The following ASPG variants were observed in gnomAD, a reference collection of about 807,000 sequenced individuals.
The protein encoded by ASPG is asparaginase, also known as 60 kDa lysophospholipase.
ASPG carries 53 observed loss-of-function variants against 63.2 expected under a neutral mutation model. The ratio of observed to expected loss-of-function variants is 0.84; its 90% confidence interval spans 0.67 to 1.05. ASPG has a LOEUF of 1.05. ASPG is among the 50% of genes least tolerant of loss of function. The pLI is 0.00. For synonymous variants in ASPG, 370 were observed against 355.0 expected, an observed-to-expected ratio of 1.04 and a Z score of -0.48; for missense variants, 741 against 794.4, an observed-to-expected ratio of 0.93 and a Z score of 0.81.
At chr14:104,103,233 C>T (rs2036959081) in intron 6 of ASPG, among the ~76,000 whole-genome samples, 1 of 152,206 alleles carries the variant, frequency 6.6e-6, no homozygotes, top group Non-Finnish European at 1.5e-5. Context: ...CTGCAGGACC[C>T]TCCTGCCCCT....
chr14:104,092,681 T>C lies in ASPG; in HGVS notation c.131T>C (p.Met44Thr). 3 of 1,538,016 alleles carry C rather than the reference T, an allele frequency of 2.0e-6. No homozygotes were observed. Among genetic ancestry groups the C allele is most frequent in the East Asian group, 2.4e-5 (1 of 40,996 alleles). The change falls in exon 2 of 16, where the codon ATG becomes ACG. Residue 44 changes from methionine to threonine, a missense_variant. Transcript: ENST00000551177. The stretch of plus-strand genomic sequence containing the variant: ...GCTGCCATCCTGAGGACACTGCCCA[T>C]GTTCCATGACGAGGAGCACGCCCGA... ...GLAAILRTLP[M>T]FHDEEHARAR...
chr14:104,095,758 C>T (rs2036570794), intron 4 of ASPG, 102 bp downstream of exon 4: 4 of 1,462,100 alleles, frequency 2.7e-6, no homozygotes, highest in East Asian at 2.3e-5. Context: ...GCTTCCTGCT[C>T]AGCCCAGCAG....
chr14:104,095,519 C>T lies in ASPG; in HGVS notation c.304-12C>T, dbSNP rs547003708. 2 of 1,612,498 alleles carry T rather than the reference C, an allele frequency of 1.2e-6. No individual in the cohort carries two copies. The highest frequency in any genetic ancestry group is 2.2e-5 in the East Asian group (1 of 44,878). On this transcript the variant is annotated splice_polypyrimidine_tract_variant and intron_variant, in intron 3 of 15. Coordinates refer to ENST00000551177, the MANE Select transcript of ASPG (RefSeq NM_001080464.3). ...AGGGGCTGGCCTGCCTGAGCATGCG[C>T]CCCTCCTGCAGAGGCACTACGAGCA...
intron 7 of ASPG, 38 bp from the exon 8 acceptor site, chr14:104,104,266 G>A (rs2037014707): frequency 6.3e-7 from 1 of 1,582,874 alleles, no homozygotes; most frequent in African/African-American, 1.3e-5. Context: ...TGAGGGCAGA[G>A]ACCCTCACCA....
intron 5 of ASPG, among the ~76,000 whole-genome samples, 155 bp from the exon 6 acceptor site, chr14:104,098,698 G>A (rs769606946): frequency 6.6e-6 from 1 of 152,152 alleles, no homozygotes; most frequent in Non-Finnish European, 1.5e-5. Flanking sequence ...GGCAGTACCT[G>A]CTCCCAGGAA....
chr14:104,095,169 G>A (rs984467766), intron 3 of ASPG, among the ~76,000 whole-genome samples: 11 of 152,198 alleles, frequency 7.2e-5, no homozygotes, highest in Admixed American at 1.3e-4. Context: ...TGCCTGACCC[G>A]CGGTCTGGGC....
chr14:104,110,867 G>A lies in ASPG; in HGVS notation c.1521-635G>A, dbSNP rs998612703. The A allele has an allele frequency of 3.3e-5, 33 of 985,398 alleles. No individual in the cohort carries two copies. Among genetic ancestry groups the A allele is most frequent in the Middle Eastern group, 1.0e-3 (2 of 1,914 alleles). The allele number at this position is 985,398 out of a possible 1,614,324, so 61.0% of individuals were successfully genotyped here. ...CTTCCCAGGAGGGTGGCAGGGTGAG[G>A]AGGAGCTGGTGAGGGCCTGGCAGGT... On this transcript the variant is annotated intron_variant, in intron 13 of 15. Coordinates refer to ENST00000551177, the MANE Select transcript of ASPG (RefSeq NM_001080464.3). The surrounding 1 kb of genome is among the most constrained non-coding windows in gnomAD (Gnocchi z 4.7).
intron 10 of ASPG, among the ~76,000 whole-genome samples, chr14:104,106,058 C>T (rs953466234): frequency 6.6e-6 from 1 of 152,248 alleles, no homozygotes; most frequent in Non-Finnish European, 1.5e-5. Context: ...TCGGTTTCCC[C>T]CTACAGGGAT....
chr14:104,105,815 G>A (rs2037100240), intron 10 of ASPG, among the ~76,000 whole-genome samples: 1 of 152,168 alleles, frequency 6.6e-6, no homozygotes, highest in Admixed American at 6.5e-5. Context: ...GGTTCCAGGT[G>A]AGGAACCCGG....
intron 12 of ASPG, chr14:104,108,699 C>CA: frequency 1.0e-6 from 1 of 985,360 alleles, no homozygotes; most frequent in Non-Finnish European, 1.2e-6. Context: ...CCCACCCCCA[C>CA]AGACTCCACT....
At chr14:104,111,466 A>G (rs1300922050) in intron 13 of ASPG, 36 bp from the exon 14 acceptor site, 6 of 1,497,214 alleles carry the variant, frequency 4.0e-6, no homozygotes. Flanking sequence ...GGTGCCCAGC[A>G]GGCCCCAACA....
intron 9 of ASPG, 159 bp from the exon 10 acceptor site, chr14:104,105,169 G>A: frequency 8.6e-7 from 1 of 1,167,060 alleles, no homozygotes; most frequent in East Asian, 2.6e-5. Context: ...GCCTTGGGAG[G>A]GGACCCAGCC....
intron 15 of ASPG, 99 bp from the exon 16 acceptor site, chr14:104,112,425 C>G: frequency 2.6e-6 from 2 of 778,258 alleles, no homozygotes; most frequent in South Asian, 2.9e-5. Flanking sequence ...TGCTCAGGCT[C>G]TTGGGCTGTG....
intron 1 of ASPG, among the ~76,000 whole-genome samples, chr14:104,087,793 C>A (rs2036259994): frequency 6.6e-6 from 1 of 152,234 alleles, no homozygotes; most frequent in African/African-American, 2.4e-5. Context: ...TCTCGCTTGG[C>A]CCCCGCGTGC....
chr14:104,107,918 C>T (rs756393123), intron 12 of ASPG, among the ~76,000 whole-genome samples: 3 of 152,144 alleles, frequency 2.0e-5, no homozygotes, highest in East Asian at 1.9e-4. Context: ...CTGCTGGTGC[C>T]GCTGCCCGGA....
intron 1 of ASPG, 100 bp downstream of exon 1, chr14:104,085,952 C>T (rs1596055966): frequency 1.6e-5 from 19 of 1,155,406 alleles, no homozygotes; most frequent in Non-Finnish European, 2.1e-5. Context: ...GAGTCAAATC[C>T]GCGCCTGGAT....
intron 12 of ASPG, chr14:104,108,623 CA>C: frequency 1.0e-6 from 1 of 985,444 alleles, no homozygotes; most frequent in Non-Finnish European, 1.2e-6. Flanking sequence ...TCACCCTGTA[CA>C]ATGGGCTGTG....
chr14:104,096,761 G>T (rs999122162), intron 4 of ASPG, among the ~76,000 whole-genome samples: 3 of 152,188 alleles, frequency 2.0e-5, no homozygotes, highest in African/African-American at 7.2e-5. Context: ...AGGCTTACAG[G>T]CTAGGGGCTC....
intron 1 of ASPG, among the ~76,000 whole-genome samples, chr14:104,086,769 A>G (rs1212014581): frequency 6.6e-6 from 1 of 151,624 alleles, no homozygotes; most frequent in African/African-American, 2.4e-5. Context: ...TTCCCTCAGG[A>G]GCCCTTTCCA....
Sources: allele counts gnomAD v4.1 joint callset (sites outside exome capture counted in the v4.1 genomes callset), GRCh38; gene constraint gnomAD v4.1.1; non-coding constraint Gnocchi (gnomAD v3.1); transcripts MANE v1.5; gene names NCBI Gene and HGNC (gene_info 2026-07-23, HGNC 2026-07-21).